Variants in RGS22 observed in about 807,000 individuals in gnomAD.
RGS22 encodes regulator of G protein signaling 22, also known as regulator of G-protein signaling 22.
In RGS22, 148 loss-of-function variants were observed where a neutral mutation model predicts 172.9. The ratio of observed to expected loss-of-function variants is 0.86; its 90% CI spans 0.75 to 0.98. The LOEUF is 0.98. Ranked by LOEUF, RGS22 falls within the 50% of genes least tolerant of loss-of-function variation. The probability of loss-of-function intolerance (pLI) is 0.00; values close to 1 mark genes in which losing one functional copy is unlikely to be tolerated. For missense variants in RGS22, 1,347 were observed against 1,440.8 expected (o/e 0.93, Z 1.05); for synonymous variants, 458 against 480.2 (o/e 0.95, Z 0.60).
intron 21 of RGS22, among the ~76,000 whole-genome samples, chr8:99,983,950 C>T (rs1303193553): frequency 6.6e-6 from 1 of 152,146 alleles, no homozygotes; most frequent in Admixed American, 6.6e-5. Context: ...TACATTGTGA[C>T]AATTAGCACT....
At chr8:100,094,997 T>C (rs1342030656) in intron 2 of RGS22, among the ~76,000 whole-genome samples, 1 of 152,190 alleles carries the variant, frequency 6.6e-6, no homozygotes, top group Non-Finnish European at 1.5e-5. Context: ...AAAGTATACA[T>C]TTCATTTTTA....
At chr8:100,085,972 C>G (rs967877530) in intron 3 of RGS22, among the ~76,000 whole-genome samples, 1 of 152,094 alleles carries the variant, frequency 6.6e-6, no homozygotes, top group Non-Finnish European at 1.5e-5. Flanking sequence ...AATGTGATGG[C>G]ACAGAAGGAT....
chr8:100,014,100 C>T (rs1816701451), intron 14 of RGS22, among the ~76,000 whole-genome samples: 1 of 152,154 alleles, frequency 6.6e-6, no homozygotes, highest in Non-Finnish European at 1.5e-5. Context: ...CTGGGAAAAA[C>T]CACTGGTATA....
At chr8:100,084,818 A>G (rs150461911) in intron 3 of RGS22, among the ~76,000 whole-genome samples, 1 of 152,350 alleles carries the variant, frequency 6.6e-6, no homozygotes, top group East Asian at 1.9e-4. Flanking sequence ...ATAAAACATT[A>G]TTTCTGCCCT....
intron 7 of RGS22, among the ~76,000 whole-genome samples, chr8:100,064,650 T>G (rs921864107): frequency 6.6e-5 from 10 of 152,178 alleles, no homozygotes; most frequent in African/African-American, 1.9e-4. Flanking sequence ...AAATACATTA[T>G]GTACTTTTAA....
intron 23 of RGS22, among the ~76,000 whole-genome samples, chr8:99,966,190 A>C (rs1023128242): frequency 2.0e-5 from 3 of 152,250 alleles, no homozygotes; most frequent in Non-Finnish European, 2.9e-5. Context: ...GTCAAAAACC[A>C]CATGTTCTCA....
chr8:99,987,576 G>C lies in RGS22; in HGVS notation c.3062C>G (p.Ala1021Gly), dbSNP rs780031194. The C allele has an allele frequency of 6.2e-7, 1 of 1,609,840 alleles. No homozygotes were observed. The highest frequency in any genetic ancestry group is 8.5e-7 in the Non-Finnish European group (1 of 1,178,052). ...KWISSSCKII[A>G]FRKALLNPVT... ...TGGATTCAATAATGCTTTGCGAAAA[G>C]CAATGATTTTACAAGATGAAGAGAT... Residue 1021 changes from alanine to glycine, a missense_variant, in exon 21 of 28, where the codon GCT becomes GGT. Transcript: ENST00000360863.
intron 7 of RGS22, among the ~76,000 whole-genome samples, chr8:100,065,032 T>A (rs760405663): frequency 1.3e-5 from 2 of 152,236 alleles, no homozygotes; most frequent in African/African-American, 4.8e-5. Context: ...CTGACGTTAG[T>A]GCTTTATTTC....
Position 100,105,908 on chromosome 8 carries a change from C to A in RGS22, c.14G>T (p.Arg5Met). 1 of 1,499,266 alleles carries A rather than the reference C, an allele frequency of 6.7e-7. No individual in the cohort carries two copies. The highest frequency in any genetic ancestry group is 8.9e-7 in the Non-Finnish European group (1 of 1,126,660). The allele number at this position is 1,499,266 out of a possible 1,614,324, so 92.9% of individuals were successfully genotyped here. Residue 5 changes from arginine to methionine, a missense_variant, in exon 1 of 28, where the codon AGG (arginine) becomes ATG (methionine). By Grantham distance (91) the Arg-to-Met change is moderately conservative. Coordinates refer to ENST00000360863, the MANE Select transcript of RGS22 (RefSeq NM_015668.5). ...GGGCCGCCACCTACCCGCGGTGAGC[C>A]TCTTCTCGGGCATGCCGTCCCCGCT... MPEK[R>M]LTAEPPTITE...
intron 14 of RGS22, among the ~76,000 whole-genome samples, chr8:100,023,584 C>T (rs1817846461): frequency 6.6e-6 from 1 of 152,118 alleles, no homozygotes; most frequent in African/African-American, 2.4e-5. Flanking sequence ...CAAGCACGGG[C>T]CACCACACCT....
At chr8:99,995,157 A>G (rs554039344) in intron 20 of RGS22, among the ~76,000 whole-genome samples, 118 of 152,352 alleles carry the variant, frequency 7.7e-4, no homozygotes, top group African/African-American at 2.7e-3. Context: ...TAAAACCATA[A>G]AAACCCTAGA....
chr8:100,015,398 T>G (rs1338312103), intron 14 of RGS22, among the ~76,000 whole-genome samples: 3 of 152,146 alleles, frequency 2.0e-5, no homozygotes, highest in Non-Finnish European at 4.4e-5. Context: ...GTTCAAGCGA[T>G]TCTTGTGTGT....
chr8:100,047,495 T>G lies in RGS22; in HGVS notation c.1791A>C (p.Pro597=). 9 of 1,606,332 alleles carry G rather than the reference T, an allele frequency of 5.6e-6. No homozygotes were observed. Among genetic ancestry groups the G allele is most frequent in the Non-Finnish European group, 7.6e-6 (9 of 1,176,768 alleles). Reference sequence around the variant, plus strand: ...CAATCACATCATCCTTAGAAGAACCTGGATACAAAAGCTCCCGCTTCCAAG... The same window carrying G: ...CAATCACATCATCCTTAGAAGAACCGGGATACAAAAGCTCCCGCTTCCAAG... The part of the protein sequence containing the change: ...QKPWKRELLY[P]GSSKDDVIEK... Residue 597 remains proline, a synonymous_variant, in exon 11 of 28, where the codon CCA becomes CCC. Coordinates refer to ENST00000360863, the MANE Select transcript of RGS22 (RefSeq NM_015668.5).
At chr8:100,001,237 T>TACA (rs529176374) in intron 18 of RGS22, among the ~76,000 whole-genome samples, 1 of 57,158 alleles carries the variant, frequency 1.7e-5, no homozygotes, top group Non-Finnish European at 4.3e-5. Context: ...TATATATACA[T>TACA]TTTTTTTTTT....
chr8:100,073,737 T>C (rs1471751870), intron 4 of RGS22, among the ~76,000 whole-genome samples: 1 of 152,200 alleles, frequency 6.6e-6, no homozygotes, highest in Non-Finnish European at 1.5e-5. Context: ...TTCTATAAGG[T>C]TGTCAAACTA....
chr8:100,051,402 TATA>T (rs1821265700), intron 10 of RGS22, among the ~76,000 whole-genome samples: 2 of 129,666 alleles, frequency 1.5e-5, no homozygotes, highest in South Asian at 4.5e-4. Context: ...TTTTTATATA[TATA>T]TTTATTATAT....
At chr8:99,962,528 TCACA>T in intron 26 of RGS22, 85 bp from the exon 27 acceptor site, 1 of 1,484,232 alleles carries the variant, frequency 6.7e-7, no homozygotes, top group South Asian at 1.2e-5. Flanking sequence ...GAAGCAGGAC[TCACA>T]CACACGGAGA....
rs563104289 is a variant in RGS22, at chr8:100,098,821, C to T, written c.55-5312G>A. On this transcript the variant is annotated intron_variant, in intron 2 of 27. Coordinates refer to ENST00000360863, the MANE Select transcript of RGS22 (RefSeq NM_015668.5). ...GAAGGAAGCTCTGGATGCTCCCCTG[C>T]CCCTGACCCCCTTTTATTTTTTTAT... Among the ~76,000 whole-genome samples, 8 of 146,802 alleles carry T rather than the reference C, an allele frequency of 5.4e-5. No homozygotes were observed. The South Asian group carries it at 1.3e-3, about 24-fold the overall frequency.
intron 21 of RGS22, among the ~76,000 whole-genome samples, chr8:99,982,919 C>T (rs73274942): frequency 0.066 from 10,092 of 152,116 alleles, 441 homozygotes; most frequent in African/African-American, 0.11. Context: ...TTAGGTAGAG[C>T]GTAGTACCCA....
Sources: allele counts gnomAD v4.1 joint callset (sites outside exome capture counted in the v4.1 genomes callset), GRCh38; gene constraint gnomAD v4.1.1; transcripts MANE v1.5; gene names NCBI Gene and HGNC (gene_info 2026-07-23, HGNC 2026-07-21).